The following SYNDIG1 variants were observed in gnomAD, a reference collection of about 807,000 sequenced individuals.
SYNDIG1 encodes synapse differentiation-inducing gene protein 1.
Under a neutral mutation model 19.4 loss-of-function variants are expected in SYNDIG1, and 9 were observed. The observed-to-expected ratio is 0.46, with a 90% CI of 0.28 to 0.81. The LOEUF (loss-of-function observed/expected upper bound fraction) is 0.81. Ranked by LOEUF, SYNDIG1 falls within the 30% of genes least tolerant of loss-of-function variation. The pLI, the probability that SYNDIG1 is intolerant of heterozygous loss-of-function variation, is 0.12. For missense variants in SYNDIG1, 311 were observed against 343.3 expected, an observed-to-expected ratio of 0.91 and a Z score of 0.74; for synonymous variants, 141 against 145.9, an observed-to-expected ratio of 0.97 and a Z score of 0.24.
intron 3 of SYNDIG1, among the ~76,000 whole-genome samples, chr20:24,623,946 C>T (rs923616232): frequency 2.0e-5 from 3 of 152,134 alleles, no homozygotes; most frequent in Non-Finnish European, 4.4e-5. Flanking sequence ...AAAAGACAGA[C>T]TGTCAAACTG....
chr20:24,570,019 T>C (rs1433970133), intron 2 of SYNDIG1, among the ~76,000 whole-genome samples: 2 of 152,246 alleles, frequency 1.3e-5, no homozygotes, highest in African/African-American at 4.8e-5. Context: ...TTATCCACTT[T>C]TAATCTGCTG....
intron 3 of SYNDIG1, among the ~76,000 whole-genome samples, chr20:24,630,945 T>C (rs938722509): frequency 2.6e-5 from 4 of 152,164 alleles, no homozygotes; most frequent in African/African-American, 7.2e-5. Flanking sequence ...GACAGCAGGA[T>C]CACATGATGA....
intron 3 of SYNDIG1, among the ~76,000 whole-genome samples, chr20:24,626,681 G>A (rs1249192374): frequency 1.4e-4 from 22 of 152,374 alleles, no homozygotes; most frequent in Admixed American, 8.5e-4. Context: ...GGTAGCGGCC[G>A]GGCAGAGGCT....
intron 2 of SYNDIG1, among the ~76,000 whole-genome samples, chr20:24,584,567 T>C (rs1345378397): frequency 6.6e-6 from 1 of 152,196 alleles, no homozygotes; most frequent in Admixed American, 6.5e-5. Flanking sequence ...CCAGCGATCT[T>C]AGAAATACTG....
intron 3 of SYNDIG1, among the ~76,000 whole-genome samples, chr20:24,637,106 C>A (rs1448220454): frequency 6.6e-6 from 1 of 152,232 alleles, no homozygotes; most frequent in Non-Finnish European, 1.5e-5. Context: ...CAGGCTGCTG[C>A]AGCCTCAGCA....
chr20:24,661,333 G>GGAGGA (rs2059584160), intron 3 of SYNDIG1, among the ~76,000 whole-genome samples: 2 of 109,850 alleles, frequency 1.8e-5, no homozygotes, highest in East Asian at 2.7e-4. Flanking sequence ...GGGAAGAGAG[G>GGAGGA]GGGAGGAAGG....
chr20:24,640,625 A>G (rs146573160), intron 3 of SYNDIG1, among the ~76,000 whole-genome samples: 240 of 152,276 alleles, frequency 1.6e-3, no homozygotes, highest in Admixed American at 0.014. Flanking sequence ...TTGTTTTACT[A>G]TGTAATTGTT....
chr20:24,595,605 C>T (rs951440104), intron 3 of SYNDIG1, among the ~76,000 whole-genome samples: 11 of 152,272 alleles, frequency 7.2e-5, no homozygotes, highest in South Asian at 6.2e-4. Flanking sequence ...TGGTGGAATT[C>T]GGCTGTGAAG....
At chr20:24,623,190 A>C (rs1456439623) in intron 3 of SYNDIG1, among the ~76,000 whole-genome samples, 1 of 149,386 alleles carries the variant, frequency 6.7e-6, no homozygotes, top group Non-Finnish European at 1.5e-5. Flanking sequence ...AAAAAAAAAG[A>C]AAAGAAAAAA....
intron 3 of SYNDIG1, among the ~76,000 whole-genome samples, chr20:24,635,079 C>T (rs1413372640): frequency 6.6e-6 from 1 of 152,212 alleles, no homozygotes; most frequent in Non-Finnish European, 1.5e-5. Flanking sequence ...GGGGACAGCA[C>T]GGGCTTCTGC....
chr20:24,577,918 A>G (rs1359869064), intron 2 of SYNDIG1, among the ~76,000 whole-genome samples: 1 of 152,184 alleles, frequency 6.6e-6, no homozygotes, highest in Non-Finnish European at 1.5e-5. Flanking sequence ...TTCATGGGTA[A>G]TGATAGGCCC....
chr20:24,516,009 G>A lies in SYNDIG1; in HGVS notation c.-78-27011G>A, dbSNP rs2056854382. ...AACAGAGATACAGACCAATGGAACA[G>A]AACAGAGCCCTCAGAAATAATACCA... On this transcript the variant is annotated intron_variant, in intron 1 of 3. Transcript: ENST00000376862. 2.0e-5 allele frequency among the ~76,000 whole-genome samples: 3 copies of A among 152,248 alleles called. No homozygotes were observed. In the South Asian group the frequency reaches 6.2e-4, roughly 32 times the overall value.
chr20:24,529,129 C>T (rs1271411323), intron 1 of SYNDIG1, among the ~76,000 whole-genome samples: 1 of 152,106 alleles, frequency 6.6e-6, no homozygotes, highest in Admixed American at 6.5e-5. Flanking sequence ...GGGAGGAAGA[C>T]GTCTTGGCTG....
chr20:24,473,050 G>T (rs1210131535), intron 1 of SYNDIG1, among the ~76,000 whole-genome samples: 1 of 152,162 alleles, frequency 6.6e-6, no homozygotes, highest in African/African-American at 2.4e-5. Flanking sequence ...ATTGGAAAAT[G>T]CAGGCTCCAT....
intron 3 of SYNDIG1, among the ~76,000 whole-genome samples, chr20:24,642,218 A>T (rs989962326): frequency 6.6e-6 from 1 of 152,182 alleles, no homozygotes; most frequent in African/African-American, 2.4e-5. Context: ...CAGAGCACTG[A>T]TCGGGTACAT....
intron 3 of SYNDIG1, among the ~76,000 whole-genome samples, chr20:24,632,112 T>G (rs1276872397): frequency 1.3e-5 from 2 of 152,294 alleles, no homozygotes; most frequent in East Asian, 3.9e-4. Flanking sequence ...CAGATGTCTT[T>G]CTGTGGAAGT....
chr20:24,493,359 C>CGTTT, intron 1 of SYNDIG1, among the ~76,000 whole-genome samples: 1 of 152,076 alleles, frequency 6.6e-6, no homozygotes, highest in African/African-American at 2.4e-5. Context: ...GGCATGGAAA[C>CGTTT]ACGCATGCAC....
chr20:24,495,227 G>T (rs1017487714), intron 1 of SYNDIG1, among the ~76,000 whole-genome samples: 1 of 152,192 alleles, frequency 6.6e-6, no homozygotes, highest in South Asian at 2.1e-4. Context: ...TGGATTTCTT[G>T]TCAGCTGTTT....
chr20:24,663,818 CG>C (rs1424544927), intron 3 of SYNDIG1, among the ~76,000 whole-genome samples: 2 of 152,088 alleles, frequency 1.3e-5, no homozygotes, highest in Non-Finnish European at 2.9e-5. Context: ...GTGATCATGG[CG>C]GGGACACAAA....
Sources: gnomAD v4.1 joint callset for allele counts (sites outside exome capture counted in the v4.1 genomes callset) on GRCh38, gnomAD v4.1.1 for gene constraint, MANE v1.5 for transcripts, NCBI Gene and HGNC (gene_info 2026-07-23, HGNC 2026-07-21) for gene names.